CDK14: variants seen among roughly 807,000 people sequenced by gnomAD.
CDK14 encodes cyclin dependent kinase 14.
A neutral mutation model predicts 60.7 loss-of-function variants in CDK14; 34 were observed. The observed-to-expected ratio is 0.56, with a 90% confidence interval of 0.43 to 0.75. CDK14 has a LOEUF of 0.75. Ranked by LOEUF, CDK14 falls within the 30% of genes least tolerant of loss-of-function variation. The pLI, the probability that CDK14 is intolerant of heterozygous loss-of-function variation, is 0.00. For missense variants in CDK14, 482 were observed against 564.1 expected (o/e 0.85, Z 1.47); for synonymous variants, 197 against 203.7 (o/e 0.97, Z 0.28).
At chr7:91,199,773 T>G (rs1802660054) in intron 14 of CDK14, among the ~76,000 whole-genome samples, 2 of 152,224 alleles carry the variant, frequency 1.3e-5, no homozygotes, top group Non-Finnish European at 2.9e-5. Flanking sequence ...TAGTGCATTG[T>G]GCATCCATAT....
chr7:91,101,776 A>G (rs567752658), intron 12 of CDK14, among the ~76,000 whole-genome samples: 7 of 152,248 alleles, frequency 4.6e-5, no homozygotes, highest in African/African-American at 7.2e-5. Flanking sequence ...GTTTATTCCA[A>G]TGTCAGATTC....
intron 2 of CDK14, among the ~76,000 whole-genome samples, chr7:90,633,922 G>T (rs1248958901): frequency 6.6e-6 from 1 of 152,120 alleles, no homozygotes; most frequent in African/African-American, 2.4e-5. Context: ...AGATTATGTT[G>T]TGAATATATT....
At chr7:91,034,978 A>AC (rs1491326897) in intron 10 of CDK14, among the ~76,000 whole-genome samples, 10 of 147,054 alleles carry the variant, frequency 6.8e-5, no homozygotes, top group Non-Finnish European at 6.1e-5. Flanking sequence ...ACACACACAC[A>AC]TTGATAGCTT....
At chr7:90,872,419 G>A (rs531461773) in intron 6 of CDK14, among the ~76,000 whole-genome samples, 34 of 152,290 alleles carry the variant, frequency 2.2e-4, no homozygotes, top group Admixed American at 1.4e-3. Context: ...TGCAGGCAGT[G>A]TAAGATGGAG....
chr7:90,843,225 AC>A (rs1790357861), intron 5 of CDK14, among the ~76,000 whole-genome samples: 1 of 152,138 alleles, frequency 6.6e-6, no homozygotes, highest in Non-Finnish European at 1.5e-5. Flanking sequence ...ATTTTGGTTC[AC>A]TAGTTCATTA....
At chr7:91,052,946 G>T (rs1797432458) in intron 11 of CDK14, among the ~76,000 whole-genome samples, 3 of 152,126 alleles carry the variant, frequency 2.0e-5, no homozygotes, top group African/African-American at 4.8e-5. Flanking sequence ...CAGACACATT[G>T]ACCTTAAAGG....
At chr7:91,126,611 T>C (rs1799954857) in intron 14 of CDK14, among the ~76,000 whole-genome samples, 1 of 152,172 alleles carries the variant, frequency 6.6e-6, no homozygotes, top group South Asian at 2.1e-4. Flanking sequence ...AGATGGGATA[T>C]ATCTTGTGTT....
chr7:90,669,974 G>A (rs957655027), intron 2 of CDK14, among the ~76,000 whole-genome samples: 4 of 152,140 alleles, frequency 2.6e-5, no homozygotes, highest in Non-Finnish European at 4.4e-5. Flanking sequence ...ATTTGGGGTT[G>A]GAAGATAAAT....
chr7:91,052,110 G>A (rs1216931503), intron 11 of CDK14, among the ~76,000 whole-genome samples: 1 of 152,140 alleles, frequency 6.6e-6, no homozygotes, highest in Non-Finnish European at 1.5e-5. Context: ...GAGTACCCTG[G>A]GGCTGCATGA....
chr7:91,172,309 A>C (rs563142182), intron 14 of CDK14, among the ~76,000 whole-genome samples: 32 of 152,224 alleles, frequency 2.1e-4, no homozygotes, highest in African/African-American at 7.5e-4. Flanking sequence ...TTTTAACCAG[A>C]CATTAAGTGA....
intron 6 of CDK14, among the ~76,000 whole-genome samples, chr7:90,887,480 G>T (rs1345841557): frequency 6.6e-6 from 1 of 152,100 alleles, no homozygotes; most frequent in Non-Finnish European, 1.5e-5. Flanking sequence ...TTCTCTGAAA[G>T]CATTGTTATT....
chr7:90,909,637 C>T (rs2117389293), intron 7 of CDK14, among the ~76,000 whole-genome samples: 1 of 152,192 alleles, frequency 6.6e-6, no homozygotes, highest in East Asian at 1.9e-4. Context: ...ACCGGAAACA[C>T]CACCTTGCTT....
intron 2 of CDK14, among the ~76,000 whole-genome samples, chr7:90,712,001 G>A (rs1350085036): frequency 3.3e-5 from 5 of 150,730 alleles, no homozygotes; most frequent in Non-Finnish European, 7.4e-5. Flanking sequence ...TGGGATTACA[G>A]GCATTAGCCA....
intron 6 of CDK14, among the ~76,000 whole-genome samples, chr7:90,881,252 G>A (rs1002455265): frequency 1.2e-4 from 19 of 152,134 alleles, no homozygotes; most frequent in African/African-American, 4.3e-4. Context: ...GAACATAAAC[G>A]ACCTGATGGA....
chr7:90,649,825 G>A (rs1014449678), intron 2 of CDK14, among the ~76,000 whole-genome samples: 1 of 152,240 alleles, frequency 6.6e-6, no homozygotes, highest in East Asian at 1.9e-4. Context: ...ATTCCATGGT[G>A]TATATGTGCC....
At chr7:91,205,387 A>T (rs1336338092) in intron 14 of CDK14, among the ~76,000 whole-genome samples, 3 of 152,248 alleles carry the variant, frequency 2.0e-5, no homozygotes, top group African/African-American at 7.2e-5. Context: ...TTCATGCTAC[A>T]ACATGGATGA....
intron 2 of CDK14, among the ~76,000 whole-genome samples, chr7:90,693,927 A>G (rs754456234): frequency 6.6e-6 from 1 of 152,212 alleles, no homozygotes; most frequent in Non-Finnish European, 1.5e-5. Context: ...GGCTAGTGTA[A>G]GAAATATCAT....
At chr7:90,939,553 T>C (rs1221366479) in intron 8 of CDK14, among the ~76,000 whole-genome samples, 1 of 152,224 alleles carries the variant, frequency 6.6e-6, no homozygotes, top group Admixed American at 6.5e-5. Context: ...GTATTGGTTA[T>C]TAGTACAGTC....
intron 3 of CDK14, 95 bp downstream of exon 3, chr7:90,726,907 A>G: frequency 7.0e-7 from 1 of 1,438,096 alleles, no homozygotes; most frequent in Non-Finnish European, 9.5e-7. Context: ...AAACTTTATC[A>G]GTGCCTTATT....
Sources: allele counts gnomAD v4.1 joint callset (sites outside exome capture counted in the v4.1 genomes callset), GRCh38; gene constraint gnomAD v4.1.1; transcripts MANE v1.5; gene names NCBI Gene and HGNC (gene_info 2026-07-23, HGNC 2026-07-21).